CRACDL: variants seen among roughly 807,000 people sequenced by gnomAD.
The protein encoded by CRACDL is CRACD like.
A neutral mutation model predicts 70.6 loss-of-function variants in CRACDL; 26 were observed. The observed-to-expected ratio is 0.37, with a 90% confidence interval of 0.27 to 0.51. The LOEUF (loss-of-function observed/expected upper bound fraction) is 0.51, where lower values mean the gene tolerates loss of function less well. Ranked by LOEUF, CRACDL falls within the 20% of genes least tolerant of loss-of-function variation. The pLI is 0.94. For missense variants in CRACDL, 1,283 were observed against 1,376.9 expected (o/e 0.93, Z 1.08); for synonymous variants, 618 against 615.2 (o/e 1.00, Z -0.07).
At chr2:98,880,121 C>T (rs895828648) in intron 1 of CRACDL, among the ~76,000 whole-genome samples, 11 of 152,242 alleles carry the variant, frequency 7.2e-5, no homozygotes, top group African/African-American at 2.4e-4. Context: ...GCAACGCGTA[C>T]ACTGTGTAAT....
At chr2:98,905,043 G>C (rs930293525) in intron 1 of CRACDL, among the ~76,000 whole-genome samples, 22 of 152,058 alleles carry the variant, frequency 1.4e-4, no homozygotes, top group Non-Finnish European at 2.5e-4. Context: ...GAGGTCAGGA[G>C]ATCGAGACCA....
chr2:98,915,238 G>A (rs951278335), intron 1 of CRACDL, among the ~76,000 whole-genome samples: 2 of 152,238 alleles, frequency 1.3e-5, no homozygotes, highest in Non-Finnish European at 1.5e-5. Flanking sequence ...CAGAGTGCTG[G>A]AGAGGTGCTG....
At chr2:98,907,270 C>T (rs1376574906) in intron 1 of CRACDL, among the ~76,000 whole-genome samples, 3 of 152,028 alleles carry the variant, frequency 2.0e-5, no homozygotes, top group Non-Finnish European at 2.9e-5. Context: ...GCAGCCTAGG[C>T]GACAACAGTG....
intron 1 of CRACDL, among the ~76,000 whole-genome samples, chr2:98,924,621 G>A (rs1001255901): frequency 4.6e-5 from 7 of 152,106 alleles, no homozygotes; most frequent in African/African-American, 1.7e-4. Context: ...ATGTGCTCAC[G>A]CTGGGCCCAG....
intron 1 of CRACDL, among the ~76,000 whole-genome samples, chr2:98,871,726 A>G (rs1707352749): frequency 6.6e-6 from 1 of 152,248 alleles, no homozygotes; most frequent in African/African-American, 2.4e-5. Context: ...AAGGCTCACC[A>G]GTAGGAGACA....
chr2:98,933,152 C>T (rs964581997), intron 1 of CRACDL, among the ~76,000 whole-genome samples: 1 of 152,172 alleles, frequency 6.6e-6, no homozygotes, highest in African/African-American at 2.4e-5. Context: ...GCCAGGTCCC[C>T]GCTGTGGCTC....
chr2:98,802,442 A>G (rs183649221), intron 7 of CRACDL, among the ~76,000 whole-genome samples: 7 of 152,308 alleles, frequency 4.6e-5, no homozygotes. Flanking sequence ...GAGGATGACA[A>G]AGTTTTCAGA....
In CRACDL at chr2:98,822,522, C is replaced by A; in HGVS notation, c.1751G>T (p.Arg584Leu). The A allele has an allele frequency of 6.9e-7, 1 of 1,458,054 alleles. No homozygotes were observed. Among genetic ancestry groups the A allele is most frequent in the South Asian group, 1.3e-5 (1 of 76,082 alleles). The allele number at this position is 1,458,054 out of a possible 1,614,324, so 90.3% of individuals were successfully genotyped here. Residue 584 changes from arginine (R) to leucine (L), a missense_variant, in exon 7 of 10, where the codon CGT becomes CTT. Transcript: ENST00000397899. This position sits in a 1 kb window ranked among gnomAD's most constrained non-coding sequence, Gnocchi z 4.9. ...TTCCAGCGGGCGGGAGACGCCCGGA[C>A]GAGGCCGCGCTCGGCACGAGGACAC... ...FSVSSCRARP[R>L]PGVSRPLERA... is the part of the protein sequence containing the mutation.
chr2:98,794,795 A>G (rs1043501617), intron 9 of CRACDL, 124 bp from the exon 10 acceptor site: 10 of 703,818 alleles, frequency 1.4e-5, no homozygotes, highest in Non-Finnish European at 2.3e-5. Context: ...ATAAAATTCA[A>G]TAATATGTCA....
chr2:98,908,892 G>A (rs1373388708), intron 1 of CRACDL, among the ~76,000 whole-genome samples: 2 of 152,208 alleles, frequency 1.3e-5, no homozygotes, highest in African/African-American at 4.8e-5. Flanking sequence ...AGCCTAGCCA[G>A]AGTCCCTATA....
intron 1 of CRACDL, chr2:98,897,479 C>T: frequency 2.0e-6 from 2 of 1,009,498 alleles, no homozygotes; most frequent in Non-Finnish European, 2.7e-6. Flanking sequence ...TCAGTGACTT[C>T]TGCTGAAACA....
At chr2:98,906,407 G>A (rs1283230888) in intron 1 of CRACDL, among the ~76,000 whole-genome samples, 3 of 152,064 alleles carry the variant, frequency 2.0e-5, no homozygotes, top group African/African-American at 7.2e-5. Context: ...GACTACAGGC[G>A]CATGCCACTA....
chr2:98,803,616 A>C (rs1412266353), intron 7 of CRACDL, among the ~76,000 whole-genome samples: 4 of 152,224 alleles, frequency 2.6e-5, no homozygotes, highest in African/African-American at 4.8e-5. Flanking sequence ...GGCATATGCT[A>C]CTTCCAATTT....
intron 1 of CRACDL, among the ~76,000 whole-genome samples, chr2:98,904,959 G>A (rs965945091): frequency 1.3e-5 from 2 of 152,184 alleles, no homozygotes; most frequent in Non-Finnish European, 2.9e-5. Context: ...GTTTAAGAGA[G>A]GCTGGGCCCG....
At chr2:98,874,642 G>A (rs1301295080) in intron 1 of CRACDL, among the ~76,000 whole-genome samples, 1 of 152,206 alleles carries the variant, frequency 6.6e-6, no homozygotes, top group African/African-American at 2.4e-5. Context: ...AACAACAAGG[G>A]ACTGCAGAAT....
chr2:98,900,466 GC>G (rs1708250297), intron 1 of CRACDL, among the ~76,000 whole-genome samples: 1 of 151,932 alleles, frequency 6.6e-6, no homozygotes. Flanking sequence ...GCAGAGGCAG[GC>G]CACAAAACCC....
chr2:98,876,638 T>C (rs1190318541), intron 1 of CRACDL, among the ~76,000 whole-genome samples: 1 of 152,230 alleles, frequency 6.6e-6, no homozygotes, highest in Non-Finnish European at 1.5e-5. Context: ...GGAATAATTG[T>C]CTTCCATGAA....
intron 1 of CRACDL, among the ~76,000 whole-genome samples, chr2:98,852,220 C>A (rs1706509032): frequency 6.6e-6 from 1 of 152,094 alleles, no homozygotes; most frequent in African/African-American, 2.4e-5. Flanking sequence ...GCTCCCCTCC[C>A]CTGAATTCTG....
chr2:98,917,137 T>G (rs1245729447), intron 1 of CRACDL, among the ~76,000 whole-genome samples: 1 of 152,196 alleles, frequency 6.6e-6, no homozygotes, highest in Non-Finnish European at 1.5e-5. Flanking sequence ...GATCATGAAG[T>G]TCCCTCATTC....
Sources: allele counts gnomAD v4.1 joint callset (sites outside exome capture counted in the v4.1 genomes callset), GRCh38; gene constraint gnomAD v4.1.1; non-coding constraint Gnocchi (gnomAD v3.1); transcripts MANE v1.5; gene names NCBI Gene and HGNC (gene_info 2026-07-23, HGNC 2026-07-21).